RAB38: variants seen among roughly 807,000 people sequenced by gnomAD.
RAB38 encodes RAB38, member RAS oncogene family.
Under a neutral mutation model 18.4 loss-of-function variants are expected in RAB38, and 15 were observed. That is an observed-to-expected ratio of 0.82 (90% CI 0.55 to 1.26). RAB38 has a LOEUF of 1.26. Among genes scored for constraint, RAB38 ranks in the 50% most tolerant of loss-of-function variants. The pLI is 0.00. For synonymous variants in RAB38, 101 were observed against 104.4 expected, an observed-to-expected ratio of 0.97 and a Z score of 0.20; for missense variants, 294 against 267.4, an observed-to-expected ratio of 1.10 and a Z score of -0.69.
In RAB38 at chr11:88,114,614, G is replaced by A. The variant is rs560567753; in HGVS notation, c.484-474C>T. On this transcript the variant is annotated intron_variant, in intron 2 of 2. Coordinates refer to ENST00000243662, the MANE Select transcript of RAB38 (RefSeq NM_022337.3). Reference sequence around the variant, plus strand: ...TGGGTCTCTATATTCTAGTGAAATGGGGAAGAGTACACTGTTCTGACCTCT... The same window carrying A: ...TGGGTCTCTATATTCTAGTGAAATGAGGAAGAGTACACTGTTCTGACCTCT... Among the ~76,000 whole-genome samples the A allele has an allele frequency of 2.0e-5, 3 of 152,312 alleles. No homozygotes were observed. The South Asian group carries it at 6.2e-4, about 32-fold the overall frequency.
Position 88,134,302 on chromosome 11 carries a change from G to A in RAB38, c.483+15373C>T, listed in dbSNP as rs371066419. 7.7e-4 allele frequency among the ~76,000 whole-genome samples: 117 copies of A among 152,090 alleles called. 3 individuals carry two copies. Among genetic ancestry groups the A allele is most frequent in the African/African-American group, 2.3e-3 (96 of 41,504 alleles). ...GTCACCTAGGCTGAAGTACAGTGGC[G>A]CAATCTAGGCTCACTGCAACCTCCA... On this transcript the variant is annotated intron_variant, in intron 2 of 2. Coordinates refer to ENST00000243662, the MANE Select transcript of RAB38 (RefSeq NM_022337.3).
At chr11:88,023,847 A>G in the RAB38 span, among the ~76,000 whole-genome samples, 1 of 152,132 alleles carries the variant, frequency 6.6e-6, no homozygotes, top group Non-Finnish European at 1.5e-5. Context: ...TCCCTATATA[A>G]AAGAATGAAA....
At chr11:88,043,609 C>CCG in the RAB38 span, among the ~76,000 whole-genome samples, 2 of 141,392 alleles carry the variant, frequency 1.4e-5, no homozygotes, top group South Asian at 4.9e-4. Context: ...GTGACCCCCC[C>CCG]ACCCTGCCCA....
In RAB38 at chr11:88,174,821, G is replaced by A. The variant is rs375605367; in HGVS notation, c.202+362C>T. On this transcript the variant is annotated intron_variant, in intron 1 of 2. Transcript: ENST00000243662. Reference sequence around the variant, plus strand: ...TCGGTCCGCCCCTGCACGGAAGGACGTGCGTGACACTGGGCTGCGTCATTG... The same window carrying A: ...TCGGTCCGCCCCTGCACGGAAGGACATGCGTGACACTGGGCTGCGTCATTG... Among the ~76,000 whole-genome samples, 41 of 152,328 alleles carry A rather than the reference G, an allele frequency of 2.7e-4. 1 individual carries two copies. The highest frequency in any genetic ancestry group is 1.5e-3 in the East Asian group (8 of 5,180).
the RAB38 span, among the ~76,000 whole-genome samples, chr11:87,820,854 ATAGCACAGG>A: frequency 1.3e-5 from 2 of 152,248 alleles, no homozygotes; most frequent in African/African-American, 4.8e-5. Context: ...AATAGTTTAA[ATAGCACAGG>A]TAGCTTTGTA....
the RAB38 span, among the ~76,000 whole-genome samples, chr11:87,953,955 T>C: frequency 6.6e-6 from 1 of 152,000 alleles, no homozygotes; most frequent in Non-Finnish European, 1.5e-5. Context: ...TTGATGTAAA[T>C]CTACAAAATT....
chr11:88,122,521 G>A (rs1942643211), intron 2 of RAB38, among the ~76,000 whole-genome samples: 1 of 152,154 alleles, frequency 6.6e-6, no homozygotes. Context: ...AATATTAATT[G>A]TAATAATTGC....
chr11:88,065,424 A>G, the RAB38 span, among the ~76,000 whole-genome samples: 1 of 152,232 alleles, frequency 6.6e-6, no homozygotes, highest in Admixed American at 6.5e-5. Flanking sequence ...TTAAAGGTGA[A>G]GAAGTGCTGA....
At chr11:87,954,471 A>G in the RAB38 span, among the ~76,000 whole-genome samples, 4 of 152,160 alleles carry the variant, frequency 2.6e-5, no homozygotes, top group South Asian at 8.3e-4. Flanking sequence ...AGAAAGATAG[A>G]AAAAGAAAGA....
chr11:88,015,087 A>T, the RAB38 span, among the ~76,000 whole-genome samples: 1 of 151,812 alleles, frequency 6.6e-6, no homozygotes, highest in Non-Finnish European at 1.5e-5. Context: ...CAGTTATAAA[A>T]TCTCTCTACA....
chr11:87,868,610 A>AGAGAGAAG, the RAB38 span, among the ~76,000 whole-genome samples: 1 of 144,624 alleles, frequency 6.9e-6, no homozygotes, highest in South Asian at 2.2e-4. Context: ...AGAGAGAGAG[A>AGAGAGAAG]GAGAGAGAGA....
At chr11:88,051,213 C>T in the RAB38 span, among the ~76,000 whole-genome samples, 6 of 152,036 alleles carry the variant, frequency 3.9e-5, no homozygotes, top group Non-Finnish European at 8.8e-5. Context: ...ACTAAAGCCC[C>T]ATCTTTCCTG....
chr11:87,844,819 A>G, the RAB38 span, among the ~76,000 whole-genome samples: 6 of 152,216 alleles, frequency 3.9e-5, 1 homozygote, highest in African/African-American at 1.4e-4. Flanking sequence ...TGCATGGGAC[A>G]GACCCAAACC....
the RAB38 span, among the ~76,000 whole-genome samples, chr11:87,958,606 G>C: frequency 6.6e-6 from 1 of 152,128 alleles, no homozygotes; most frequent in Non-Finnish European, 1.5e-5. Context: ...GAAGTAGACA[G>C]CAAGAAACCT....
the RAB38 span, among the ~76,000 whole-genome samples, chr11:88,018,937 T>C: frequency 2.7e-5 from 4 of 145,604 alleles, no homozygotes; most frequent in Middle Eastern, 3.4e-3. Flanking sequence ...TATACTCAAT[T>C]ATTCCCATTT....
chr11:88,008,940 G>A, the RAB38 span, among the ~76,000 whole-genome samples: 3 of 152,334 alleles, frequency 2.0e-5, no homozygotes, highest in African/African-American at 7.2e-5. Context: ...CCAAAGTGCT[G>A]GGATTACAGG....
At chr11:88,030,944 A>G in the RAB38 span, among the ~76,000 whole-genome samples, 1 of 151,536 alleles carries the variant, frequency 6.6e-6, no homozygotes, top group Non-Finnish European at 1.5e-5. Context: ...ATTTTAGACC[A>G]ATATCCTTGA....
intron 2 of RAB38, 33 bp from the exon 3 acceptor site, chr11:88,114,173 T>C (rs376429184): frequency 1.6e-4 from 257 of 1,605,638 alleles, no homozygotes; most frequent in Non-Finnish European, 1.9e-4. Flanking sequence ...GCTTTTCTTA[T>C]TCAATACTCT....
intron 2 of RAB38, among the ~76,000 whole-genome samples, chr11:88,143,892 T>C (rs1353261057): frequency 6.6e-6 from 1 of 152,226 alleles, no homozygotes; most frequent in Non-Finnish European, 1.5e-5. Flanking sequence ...ATTATAAGCA[T>C]TGACGTAGGG....
Sources: allele counts gnomAD v4.1 joint callset (sites outside exome capture counted in the v4.1 genomes callset), GRCh38; gene constraint gnomAD v4.1.1; transcripts MANE v1.5; gene names NCBI Gene and HGNC (gene_info 2026-07-23, HGNC 2026-07-21).